The following ADGRA3 variants were observed in gnomAD, a reference collection of about 807,000 sequenced individuals.
ADGRA3 encodes the protein G-protein coupled receptor 125.
Under a neutral mutation model 119.8 loss-of-function variants are expected in ADGRA3, and 56 were observed. That is an observed-to-expected ratio of 0.47 (90% CI 0.38 to 0.58). ADGRA3 has a LOEUF of 0.58. Among genes scored for constraint, ADGRA3 ranks in the 20% least tolerant of loss-of-function variants. The probability of loss-of-function intolerance (pLI) is 0.00; values close to 1 mark genes in which losing one functional copy is unlikely to be tolerated. For missense variants in ADGRA3, 1,516 were observed against 1,649.0 expected, an observed-to-expected ratio of 0.92 and a Z score of 1.40; for synonymous variants, 607 against 623.8, an observed-to-expected ratio of 0.97 and a Z score of 0.40.
chr4:22,494,366 A>C (rs1718738306), intron 1 of ADGRA3, among the ~76,000 whole-genome samples: 3 of 152,054 alleles, frequency 2.0e-5, no homozygotes, highest in Admixed American at 1.3e-4. Flanking sequence ...GCATATCATC[A>C]AGAAATAACC....
chr4:22,514,093 C>T (rs1035759239), intron 1 of ADGRA3, among the ~76,000 whole-genome samples: 45 of 152,000 alleles, frequency 3.0e-4, no homozygotes, highest in African/African-American at 1.1e-3. Flanking sequence ...CATGAGTCAA[C>T]GTAAATGTCA....
chr4:22,501,133 A>G (rs917531744), intron 1 of ADGRA3, among the ~76,000 whole-genome samples: 8 of 152,106 alleles, frequency 5.3e-5, no homozygotes, highest in African/African-American at 1.9e-4. Context: ...CCTTATAACC[A>G]TGTGAGCCAA....
chr4:22,508,549 ATTTTGC>A (rs1250022019), intron 1 of ADGRA3, among the ~76,000 whole-genome samples: 9 of 152,236 alleles, frequency 5.9e-5, no homozygotes, highest in African/African-American at 2.2e-4. Flanking sequence ...TGTATGTAAG[ATTTTGC>A]ATTCAAAGAT....
Position 22,481,435 on chromosome 4 carries a change from T to C in ADGRA3, c.258-7592A>G, listed in dbSNP as rs549221099. 2.6e-5 allele frequency among the ~76,000 whole-genome samples: 4 copies of C among 152,318 alleles called. 1 individual carries two copies. In the South Asian group the frequency reaches 8.3e-4, roughly 32 times the overall value. Reference sequence around the variant, plus strand: ...CTGGTTTTCTTTAAAGCCTACGACCTCTAAGAACAGTGTTTAAATTTTTAA... The same window carrying C: ...CTGGTTTTCTTTAAAGCCTACGACCCCTAAGAACAGTGTTTAAATTTTTAA... On this transcript the variant is annotated intron_variant, in intron 1 of 18. Coordinates refer to ENST00000334304, the MANE Select transcript of ADGRA3 (RefSeq NM_145290.4).
At chr4:22,432,440 T>C (rs1357297546) in intron 10 of ADGRA3, among the ~76,000 whole-genome samples, 1 of 151,654 alleles carries the variant, frequency 6.6e-6, no homozygotes, top group Non-Finnish European at 1.5e-5. Flanking sequence ...AAAAAAAGAA[T>C]ACAAAATAAT....
At chr4:22,468,424 G>T (rs1212084178) in intron 2 of ADGRA3, among the ~76,000 whole-genome samples, 1 of 152,060 alleles carries the variant, frequency 6.6e-6, no homozygotes, top group African/African-American at 2.4e-5. Context: ...ACTAAATACT[G>T]GTAACAAAAT....
chr4:22,412,127 A>G (rs1218556803), intron 14 of ADGRA3, among the ~76,000 whole-genome samples: 1 of 152,166 alleles, frequency 6.6e-6, no homozygotes, highest in Non-Finnish European at 1.5e-5. Flanking sequence ...TCTAGAAAAC[A>G]GATTTACAGC....
intron 5 of ADGRA3, among the ~76,000 whole-genome samples, chr4:22,446,342 C>T (rs1352776891): frequency 6.6e-6 from 1 of 152,144 alleles, no homozygotes; most frequent in Admixed American, 6.5e-5. Context: ...AAATACTTCC[C>T]ACGTTCCTGC....
chr4:22,403,440 T>C (rs1714757227), intron 14 of ADGRA3, among the ~76,000 whole-genome samples: 1 of 151,712 alleles, frequency 6.6e-6, no homozygotes, highest in African/African-American at 2.4e-5. Context: ...CTGTAAGAGC[T>C]CAAAAATCAG....
rs574514464 is a variant in ADGRA3 at position 22,483,167 on chromosome 4, T to A, written c.258-9324A>T. ...GCAATTCCCATCTGAAGACTTCTTA[T>A]GCCTGCTTCTGTTTTCTCTCTTTAT... On this transcript the variant is annotated intron_variant, in intron 1 of 18. Coordinates refer to ENST00000334304, the MANE Select transcript of ADGRA3 (RefSeq NM_145290.4). Among the ~76,000 whole-genome samples, 4 of 152,304 alleles carry A rather than the reference T, an allele frequency of 2.6e-5. 1 individual carries two copies. The highest frequency in any genetic ancestry group is 9.6e-5 in the African/African-American group (4 of 41,572).
At chr4:22,428,623 T>C (rs1577342603) in intron 10 of ADGRA3, among the ~76,000 whole-genome samples, 2 of 152,198 alleles carry the variant, frequency 1.3e-5, no homozygotes, top group Admixed American at 1.3e-4. Flanking sequence ...TAAGCTCAAG[T>C]AGTCTTCACG....
chr4:22,434,028 C>G (rs1424378083), intron 10 of ADGRA3, among the ~76,000 whole-genome samples: 3 of 151,884 alleles, frequency 2.0e-5, no homozygotes, highest in Non-Finnish European at 4.4e-5. Flanking sequence ...ATTTTCCTTC[C>G]TTTAATAACT....
intron 14 of ADGRA3, among the ~76,000 whole-genome samples, chr4:22,405,869 A>G (rs544191189): frequency 6.6e-6 from 1 of 152,336 alleles, no homozygotes; most frequent in Non-Finnish European, 1.5e-5. Flanking sequence ...TAGATTTTTG[A>G]TAACTATAGT....
chr4:22,436,321 T>C (rs1364690748), intron 9 of ADGRA3, 119 bp downstream of exon 9: 1 of 732,118 alleles, frequency 1.4e-6, no homozygotes, highest in East Asian at 2.7e-5. Context: ...TCAACTAAAG[T>C]AAAAACACAA....
Position 22,389,189 on chromosome 4 carries a change from A to G in ADGRA3, c.2628-6T>C. 6.3e-7 allele frequency: 1 copy of G among 1,597,822 alleles called. No homozygotes were observed. The highest frequency in any genetic ancestry group is 1.1e-5 in the South Asian group (1 of 90,598). On this transcript the variant is annotated splice_region_variant and splice_polypyrimidine_tract_variant and intron_variant, in intron 17 of 18. Coordinates refer to ENST00000334304, the MANE Select transcript of ADGRA3 (RefSeq NM_145290.4). ...CACCACCAATCAGGTAAAATCTAGA[A>G]GGAGGAATCACAGGAAAAACCACTC...
intron 6 of ADGRA3, among the ~76,000 whole-genome samples, chr4:22,444,533 G>A (rs1167936678): frequency 6.6e-6 from 1 of 151,996 alleles, no homozygotes; most frequent in African/African-American, 2.4e-5. Context: ...TGATCCACTG[G>A]GATTACAGGT....
rs1183315888 is a variant in ADGRA3, at chr4:22,515,849, G to A, written c.-65C>T. On this transcript the variant is annotated 5_prime_UTR_variant, in exon 1 of 19. Transcript: ENST00000334304. ...GGCCTAGCGGGCCGCCCCGGAGCCC[G>A]GGCGGGCAGGAGCGCGGCGCGGGCC... The A allele has an allele frequency of 1.7e-5, 17 of 974,800 alleles. No homozygotes were observed. The highest frequency in any genetic ancestry group is 9.3e-5 in the South Asian group (2 of 21,442). The allele number at this position is 974,800 out of a possible 1,614,324, so 60.4% of individuals were successfully genotyped here.
intron 9 of ADGRA3, among the ~76,000 whole-genome samples, chr4:22,436,140 G>A (rs1486229569): frequency 6.6e-6 from 1 of 152,030 alleles, no homozygotes; most frequent in African/African-American, 2.4e-5. Context: ...GAATCCAAGA[G>A]GTGGCTTTCA....
chr4:22,480,165 GA>G (rs1718216405), intron 1 of ADGRA3, among the ~76,000 whole-genome samples: 1 of 152,096 alleles, frequency 6.6e-6, no homozygotes, highest in African/African-American at 2.4e-5. Flanking sequence ...GCCAAACAAA[GA>G]AGAAAGAAAA....
Sources: allele counts gnomAD v4.1 joint callset (sites outside exome capture counted in the v4.1 genomes callset), GRCh38; gene constraint gnomAD v4.1.1; transcripts MANE v1.5; gene names NCBI Gene and HGNC (gene_info 2026-07-23, HGNC 2026-07-21).